SPPL2B: variants seen among roughly 807,000 people sequenced by gnomAD.
The protein encoded by SPPL2B is signal peptide peptidase-like 2B.
In SPPL2B, 39 loss-of-function variants were observed where a neutral mutation model predicts 59.7. That is an observed-to-expected ratio of 0.65 (90% CI 0.51 to 0.85). The LOEUF (loss-of-function observed/expected upper bound fraction) is 0.85, where lower values mean the gene tolerates loss of function less well. Among genes scored for constraint, SPPL2B ranks in the 40% least tolerant of loss-of-function variants. The probability of loss-of-function intolerance (pLI) is 0.00; values close to 1 mark genes in which losing one functional copy is unlikely to be tolerated. For synonymous variants in SPPL2B, 419 were observed against 370.8 expected, an observed-to-expected ratio of 1.13 and a Z score of -1.49; for missense variants, 865 against 849.0, an observed-to-expected ratio of 1.02 and a Z score of -0.23.
rs373534801 is a variant in SPPL2B at position 2,337,502 on chromosome 19, C to G, written c.246C>G (p.Pro82=). The G allele has an allele frequency of 6.2e-7, 1 of 1,613,328 alleles. No individual in the cohort carries two copies. Among genetic ancestry groups the G allele is most frequent in the African/African-American group, 1.3e-5 (1 of 75,058 alleles). The change falls in exon 3 of 15, where the codon CCC becomes CCG. Residue 82 remains proline, a synonymous_variant. Coordinates refer to ENST00000613503, the MANE Select transcript of SPPL2B (RefSeq NM_152988.3). ...TGCTCTGCTCCGCAGCCGACCTCCC[C>G]GCCCGTGGCTTCAGCAACCAGATCC... ...ASLLCSAADL[P]ARGFSNQIPL...
At chr19:2,336,926 T>C (rs1452040144) in intron 2 of SPPL2B, among the ~76,000 whole-genome samples, 1 of 149,080 alleles carries the variant, frequency 6.7e-6, no homozygotes, top group Admixed American at 6.7e-5. Context: ...CATGTATGCA[T>C]GTGTGTGCCG....
chr19:2,337,713 C>A, intron 3 of SPPL2B, 88 bp downstream of exon 3: 2 of 1,296,936 alleles, frequency 1.5e-6, no homozygotes, highest in South Asian at 3.0e-5. Flanking sequence ...TGGGGCTGGT[C>A]TTCCGACTTC....
rs1970066864 is a variant in SPPL2B, at chr19:2,354,094, C to G, written c.*885C>G. On this transcript the variant is annotated 3_prime_UTR_variant, in exon 15 of 15. Coordinates refer to ENST00000613503, the MANE Select transcript of SPPL2B (RefSeq NM_152988.3). ...GGTCCTGGTAGCTCCCGGCACCCAA[C>G]CTCGCTTCCCGTGTGGGCCCCGTGT... 1 of 152,242 alleles carries G rather than the reference C, an allele frequency of 6.6e-6. No individual in the cohort carries two copies. Among genetic ancestry groups the G allele is most frequent in the South Asian group, 2.1e-4 (1 of 4,826 alleles). 9.4% of individuals were successfully genotyped at this position (152,242 alleles called of 1,614,324 possible).
chr19:2,332,284 G>C lies in SPPL2B; in HGVS notation c.67-2318G>C, dbSNP rs1396998227. ...CTTGACCCAGATGCTCCCAGACCAG[G>C]CCGGAGACTTTGCATGATTTCAGTG... On this transcript the variant is annotated intron_variant, in intron 1 of 14. Transcript: ENST00000613503. The surrounding 1 kb of genome is among the most constrained non-coding windows in gnomAD (Gnocchi z 4.6). 6.6e-6 allele frequency among the ~76,000 whole-genome samples: 1 copy of C among 152,206 alleles called. No individual in the cohort carries two copies. The highest frequency in any genetic ancestry group is 1.5e-5 in the Non-Finnish European group (1 of 68,034).
chr19:2,340,524 G>A, intron 7 of SPPL2B: 1 of 591,828 alleles, frequency 1.7e-6, no homozygotes, highest in African/African-American at 1.9e-5. Context: ...AAAGGGAGCT[G>A]CTGGGGGGTC....
chr19:2,343,781 C>T lies in SPPL2B; in HGVS notation c.1039-184C>T, dbSNP rs188415265. Reference sequence around the variant, plus strand: ...GAGACTCTAAAAGCCTGACTTTTGCCCGTAAATCCCTACCTGATGTTGCTT... The same window carrying T: ...GAGACTCTAAAAGCCTGACTTTTGCTCGTAAATCCCTACCTGATGTTGCTT... On this transcript the variant is annotated intron_variant, in intron 9 of 14. Coordinates refer to ENST00000613503, the MANE Select transcript of SPPL2B (RefSeq NM_152988.3). Among the ~76,000 whole-genome samples the T allele has an allele frequency of 5.7e-3, 866 of 152,264 alleles. 5 individuals are homozygous for T. The highest frequency in any genetic ancestry group is 0.015 in the South Asian group (73 of 4,830).
chr19:2,347,132 CACTT>C (rs1280567131), intron 13 of SPPL2B, among the ~76,000 whole-genome samples: 1 of 151,670 alleles, frequency 6.6e-6, no homozygotes, highest in African/African-American at 2.4e-5. Flanking sequence ...CCTCCACACA[CACTT>C]ACGCGCTCTC....
intron 13 of SPPL2B, among the ~76,000 whole-genome samples, chr19:2,345,624 T>G (rs923916951): frequency 6.6e-6 from 1 of 151,144 alleles, no homozygotes; most frequent in Non-Finnish European, 1.5e-5. Flanking sequence ...TTCCTCATTC[T>G]TCCTGGGCCC....
intron 2 of SPPL2B, among the ~76,000 whole-genome samples, chr19:2,336,510 G>A (rs886599873): frequency 5.3e-5 from 8 of 151,988 alleles, no homozygotes; most frequent in East Asian, 1.9e-4. Flanking sequence ...AGGTATGTGC[G>A]TGTGAGTGTG....
chr19:2,346,130 C>A (rs972184628), intron 13 of SPPL2B, among the ~76,000 whole-genome samples: 1 of 152,238 alleles, frequency 6.6e-6, no homozygotes, highest in Admixed American at 6.5e-5. Context: ...AAATGTCCCC[C>A]ACCGCAGCTG....
At chr19:2,337,015 CGTGTGTGTGT>C (rs879485717) in intron 2 of SPPL2B, 1 of 164,588 alleles carries the variant, frequency 6.1e-6, no homozygotes, top group Non-Finnish European at 1.3e-5. Flanking sequence ...TGTGCGTGTG[CGTGTGTGTGT>C]GCGTGTGTGT....
chr19:2,335,733 G>A (rs926893658), intron 2 of SPPL2B, among the ~76,000 whole-genome samples: 7 of 149,932 alleles, frequency 4.7e-5, no homozygotes, highest in East Asian at 2.0e-4. Flanking sequence ...CTCAGGCCCC[G>A]CCTCCTTTCC....
chr19:2,345,223 G>A (rs530927916), intron 12 of SPPL2B, 30 bp from the exon 13 acceptor site: 54 of 1,606,626 alleles, frequency 3.4e-5, no homozygotes, highest in Non-Finnish European at 3.8e-5. Context: ...CTGCGGGCCC[G>A]AGTAAGCCTC....
At position 2,337,544 on chromosome 19, in the gene SPPL2B, G is replaced by C. The variant is rs759610235; in HGVS notation, c.288G>C (p.Gly96=). 1.2e-6 allele frequency: 2 copies of C among 1,612,542 alleles called. No homozygotes were observed. Among genetic ancestry groups the C allele is most frequent in the Non-Finnish European group, 1.7e-6 (2 of 1,179,630 alleles). The change falls in exon 3 of 15, where the codon GGG becomes GGC. Residue 96 remains glycine (G), a synonymous_variant. Coordinates refer to ENST00000613503, the MANE Select transcript of SPPL2B (RefSeq NM_152988.3). ...FSNQIPLVAR[G]NCTFYEKVRL... ...ACCAGATCCCGCTGGTGGCGCGGGG[G>C]AACTGCACCTTCTATGAGAAAGTGA...
Position 2,344,571 on chromosome 19 carries a change from G to GTGCCCAGGCTGA in SPPL2B, c.1196_1207dup (p.Leu402_Asn403insMetProArgLeu). On this transcript the variant is annotated inframe_insertion, in exon 12 of 15. Coordinates refer to ENST00000613503, the MANE Select transcript of SPPL2B (RefSeq NM_152988.3). ...TTTGCAGCTGCCCATGGTCCTGAAG[G>GTGCCCAGGCTGA]TGCCCAGGCTGAACTCCTCACCTCT... The GTGCCCAGGCTGA allele has an allele frequency of 6.2e-7, 1 of 1,613,024 alleles. No homozygotes were observed. The highest frequency in any genetic ancestry group is 8.5e-7 in the Non-Finnish European group (1 of 1,179,528).
chr19:2,338,775 G>C lies in SPPL2B; in HGVS notation c.393G>C (p.Thr131=). 1.2e-6 allele frequency: 2 copies of C among 1,613,354 alleles called. No individual in the cohort carries two copies. The highest frequency in any genetic ancestry group is 2.2e-5 in the South Asian group (2 of 91,066). ...ERLVPPGGNK[T]QYDEIGIPVA... ...AGGTCCCCCCGGGGGGTAATAAGAC[G>C]CAGTATGATGAGATTGGCATTCCCG... The change falls in exon 4 of 15, where the codon ACG becomes ACC. Residue 131 remains threonine (T), a synonymous_variant. Transcript: ENST00000613503.
chr19:2,338,773 A>G lies in SPPL2B; in HGVS notation c.391A>G (p.Thr131Ala). ...CCAGGTCCCCCCGGGGGGTAATAAG[A>G]CGCAGTATGATGAGATTGGCATTCC... is the stretch of plus-strand genomic sequence containing the variant. ...ERLVPPGGNK[T>A]QYDEIGIPVA... Residue 131 changes from threonine (T) to alanine (A), a missense_variant, in exon 4 of 15, where the codon ACG becomes GCG. By Grantham distance (58) the Thr-to-Ala change is moderately conservative. Transcript: ENST00000613503. 6.2e-7 allele frequency: 1 copy of G among 1,613,248 alleles called. No individual in the cohort carries two copies. The highest frequency in any genetic ancestry group is 8.5e-7 in the Non-Finnish European group (1 of 1,179,534).
At chr19:2,329,653 G>A (rs375759656) in intron 1 of SPPL2B, among the ~76,000 whole-genome samples, 26 of 152,146 alleles carry the variant, frequency 1.7e-4, no homozygotes, top group African/African-American at 6.3e-4. Context: ...GCCGCCACCT[G>A]GCTCCTCAGT....
rs753160287 is a variant in SPPL2B at position 2,340,040 on chromosome 19, G to GGC, written c.743-35_743-34dup. The stretch of plus-strand genomic sequence containing the variant: ...CCGTGCGGAGGGAGGGTGGCGTGCG[G>GGC]GCCTGGCCCCCGGCCTCACGGCCCT... On this transcript the variant is annotated intron_variant, in intron 6 of 14. Coordinates refer to ENST00000613503, the MANE Select transcript of SPPL2B (RefSeq NM_152988.3). 1,402 of 1,570,666 alleles carry GGC rather than the reference G, an allele frequency of 8.9e-4. 20 individuals are homozygous for GGC. Among genetic ancestry groups the GGC allele is most frequent in the Middle Eastern group, 3.3e-4 (2 of 6,012 alleles).
Sources: allele counts gnomAD v4.1 joint callset (sites outside exome capture counted in the v4.1 genomes callset), GRCh38; gene constraint gnomAD v4.1.1; non-coding constraint Gnocchi (gnomAD v3.1); transcripts MANE v1.5; gene names NCBI Gene and HGNC (gene_info 2026-07-23, HGNC 2026-07-21).